SHISAL1: variants seen among roughly 807,000 people sequenced by gnomAD.
SHISAL1 encodes shisa like 1.
A neutral mutation model predicts 22.6 loss-of-function variants in SHISAL1; 9 were observed. That is an observed-to-expected ratio of 0.40 (90% CI 0.24 to 0.70). The LOEUF is 0.70. SHISAL1 is among the 30% of genes least tolerant of loss of function. The probability of loss-of-function intolerance (pLI) is 0.39; values close to 1 mark genes in which losing one functional copy is unlikely to be tolerated. For missense variants in SHISAL1, 246 were observed against 270.6 expected (o/e 0.91, Z 0.64); for synonymous variants, 119 against 115.4 (o/e 1.03, Z -0.20).
chr22:44,321,752 C>T, the SHISAL1 span, among the ~76,000 whole-genome samples: 3 of 152,146 alleles, frequency 2.0e-5, no homozygotes, highest in Non-Finnish European at 2.9e-5. Flanking sequence ...TGCAGGGAAG[C>T]GGGACCAACC....
chr22:44,269,645 AAC>A (rs892323199), intron 4 of SHISAL1, among the ~76,000 whole-genome samples: 32 of 135,526 alleles, frequency 2.4e-4, no homozygotes, highest in Non-Finnish European at 4.5e-5. Flanking sequence ...TGCCACAAAC[AAC>A]ACACACACAA....
At chr22:44,252,854 G>A (rs974790351) in intron 4 of SHISAL1, among the ~76,000 whole-genome samples, 1 of 151,784 alleles carries the variant, frequency 6.6e-6, no homozygotes, top group African/African-American at 2.4e-5. Context: ...AATTATCCGG[G>A]CGTGGTGGTG....
chr22:44,265,550 CAAGCCAGGAGACCT>C lies in SHISAL1; in HGVS notation c.*-15879_*-15866del, dbSNP rs1370537254. Among the ~76,000 whole-genome samples, 105 of 152,254 alleles carry C rather than the reference CAAGCCAGGAGACCT, an allele frequency of 6.9e-4. 1 individual carries two copies. The Middle Eastern group carries it at 0.01, about 15-fold the overall frequency. On this transcript the variant is annotated intron_variant, in intron 4 of 4. Coordinates refer to ENST00000381176, the MANE Select transcript of SHISAL1 (RefSeq NM_001099294.2). ...GAGAGACCCCCAAGCCAGGAGACTC[CAAGCCAGGAGACCT>C]AGTGAAGCCACACCCTGACTCACAC... is the stretch of plus-strand genomic sequence containing the variant.
At position 44,285,573 on chromosome 22, in the gene SHISAL1, G is replaced by T; in HGVS notation, c.454C>A (p.Pro152Thr). The T allele has an allele frequency of 6.2e-7, 1 of 1,613,798 alleles. No homozygotes were observed. Among genetic ancestry groups the T allele is most frequent in the Non-Finnish European group, 8.5e-7 (1 of 1,179,700 alleles). The change falls in exon 4 of 5, where the codon CCC becomes ACC. Residue 152 changes from proline (P) to threonine (T), a missense_variant. By Grantham distance (38) the Pro-to-Thr change is conservative. Transcript: ENST00000381176. ...TGACCCGGCCGAGGGGCCCGAGCGG[G>T]GTTCCCCCACCGCCGGGGGTCCTGT... ...MKQDPRRWGN[P>T]ARAPRPGQRA...
At chr22:44,269,660 T>C (rs2055193055) in intron 4 of SHISAL1, among the ~76,000 whole-genome samples, 1 of 146,394 alleles carries the variant, frequency 6.8e-6, no homozygotes, top group South Asian at 2.2e-4. Flanking sequence ...ACACACAATG[T>C]CACATAGACC....
At chr22:44,283,770 G>A (rs888158379) in intron 4 of SHISAL1, among the ~76,000 whole-genome samples, 15 of 152,204 alleles carry the variant, frequency 9.9e-5, no homozygotes, top group African/African-American at 3.4e-4. Context: ...TCTTATAGAC[G>A]TTTTCCAGTG....
chr22:44,293,722 G>A (rs1350488454), intron 3 of SHISAL1, among the ~76,000 whole-genome samples: 1 of 152,222 alleles, frequency 6.6e-6, no homozygotes, highest in Non-Finnish European at 1.5e-5. Flanking sequence ...AATGGGCTGA[G>A]GATGGGCTGC....
intron 4 of SHISAL1, among the ~76,000 whole-genome samples, chr22:44,281,346 C>T (rs111396249): frequency 0.025 from 3,747 of 152,098 alleles, 163 homozygotes; most frequent in African/African-American, 0.086. Context: ...AGCAGGAGGA[C>T]GGAGGTCCAG....
chr22:44,278,151 C>T (rs12484884), intron 4 of SHISAL1, among the ~76,000 whole-genome samples: 11,298 of 152,184 alleles, frequency 0.074, 955 homozygotes, highest in Admixed American at 0.18. Flanking sequence ...CAGCTGCCAG[C>T]GTGGCCTGAA....
At chr22:44,323,172 C>T in the SHISAL1 span, among the ~76,000 whole-genome samples, 2 of 149,350 alleles carry the variant, frequency 1.3e-5, no homozygotes, top group Non-Finnish European at 3.0e-5. Context: ...TCCATCCATC[C>T]ATTCATCCAT....
At chr22:44,262,669 G>A (rs114459977) in intron 4 of SHISAL1, among the ~76,000 whole-genome samples, 1,987 of 152,320 alleles carry the variant, frequency 0.013, 33 homozygotes, top group African/African-American at 0.042. Flanking sequence ...AGCCCCTCTC[G>A]TCTGGGGCAG....
At chr22:44,317,212 G>T (rs1247945035), upstream of SHISAL1, among the ~76,000 whole-genome samples, 1 of 152,194 alleles carries the variant, frequency 6.6e-6, no homozygotes, top group Non-Finnish European at 1.5e-5. Flanking sequence ...TGCTGGGCGG[G>T]TGCGATTCAG....
intron 4 of SHISAL1, among the ~76,000 whole-genome samples, chr22:44,268,585 A>AC (rs1569212253): frequency 6.6e-6 from 1 of 151,964 alleles, no homozygotes; most frequent in South Asian, 2.1e-4. Flanking sequence ...CTGCACCAGC[A>AC]CCCCCCAGAA....
intron 4 of SHISAL1, among the ~76,000 whole-genome samples, chr22:44,268,916 G>A (rs530670505): frequency 1.1e-4 from 16 of 152,202 alleles, no homozygotes; most frequent in African/African-American, 3.9e-4. Context: ...TGTGTGCACT[G>A]TGGCCTTGAT....
intron 3 of SHISAL1, among the ~76,000 whole-genome samples, chr22:44,291,730 G>A (rs2055353786): frequency 6.6e-6 from 1 of 151,944 alleles, no homozygotes; most frequent in Admixed American, 6.5e-5. Context: ...ATGCATTGTG[G>A]GAGATGCCAC....
chr22:44,280,558 A>G (rs901289115), intron 4 of SHISAL1, among the ~76,000 whole-genome samples: 4 of 152,152 alleles, frequency 2.6e-5, no homozygotes, highest in African/African-American at 9.7e-5. Context: ...GGTGTTGAAC[A>G]GCAGCCTGAA....
At position 44,249,574 on chromosome 22, in the gene SHISAL1, C is replaced by G; in HGVS notation, c.*111G>C. The G allele has an allele frequency of 2.7e-6, 2 of 741,378 alleles. No homozygotes were observed. The highest frequency in any genetic ancestry group is 5.0e-5 in the East Asian group (2 of 40,068). 45.9% of individuals were successfully genotyped at this position (741,378 alleles called of 1,614,324 possible). A position where few individuals can be genotyped will look rare whatever the true frequency, so the allele number is the denominator to read the frequency against. On this transcript the variant is annotated 3_prime_UTR_variant, in exon 5 of 5. Transcript: ENST00000381176. Reference sequence around the variant, plus strand: ...CAGGCAGCATTTCCTCCTGTGCCACCGCCGCTACCTCGGCTGTCCCTGGCA... The same window carrying G: ...CAGGCAGCATTTCCTCCTGTGCCACGGCCGCTACCTCGGCTGTCCCTGGCA...
intron 4 of SHISAL1, among the ~76,000 whole-genome samples, chr22:44,262,354 A>T (rs1410640619): frequency 6.6e-6 from 1 of 152,202 alleles, no homozygotes; most frequent in Non-Finnish European, 1.5e-5. Context: ...TGCCAGGAGA[A>T]GGTGTCTGGA....
chr22:44,323,630 A>C, the SHISAL1 span, among the ~76,000 whole-genome samples: 2 of 146,474 alleles, frequency 1.4e-5, no homozygotes, highest in Admixed American at 1.4e-4. Flanking sequence ...CCATCCATGC[A>C]TCCATCCACC....
Sources: allele counts gnomAD v4.1 joint callset (sites outside exome capture counted in the v4.1 genomes callset), GRCh38; gene constraint gnomAD v4.1.1; transcripts MANE v1.5; gene names NCBI Gene and HGNC (gene_info 2026-07-23, HGNC 2026-07-21).